SLC36A4: variants seen among roughly 807,000 people sequenced by gnomAD.
The protein encoded by SLC36A4 is solute carrier family 36 member 4.
Under a neutral mutation model 50.5 loss-of-function variants are expected in SLC36A4, and 49 were observed. The observed-to-expected ratio is 0.97, with a 90% CI of 0.77 to 1.23. The LOEUF (loss-of-function observed/expected upper bound fraction) is 1.23. Ranked by LOEUF, SLC36A4 falls within the 50% of genes most tolerant of loss-of-function variation. The pLI, the probability that SLC36A4 is intolerant of heterozygous loss-of-function variation, is 0.00. For missense variants in SLC36A4, 611 were observed against 608.4 expected (o/e 1.00, Z -0.05); for synonymous variants, 207 against 206.5 (o/e 1.00, Z -0.02).
chr11:93,197,925 G>C lies in SLC36A4; in HGVS notation c.-93C>G. ...GGCCCAGGCCTACCTCCCCTGCCCGGAGGGACCCGCGCCTGGTGCCCGCCT... is the reference window on the plus strand; with the variant it reads ...GGCCCAGGCCTACCTCCCCTGCCCGCAGGGACCCGCGCCTGGTGCCCGCCT... On this transcript the variant is annotated 5_prime_UTR_variant, in exon 1 of 11. Transcript: ENST00000326402. The C allele has an allele frequency of 7.7e-7, 1 of 1,291,414 alleles. No homozygotes were observed. The allele number at this position is 1,291,414 out of a possible 1,614,324, so 80.0% of individuals were successfully genotyped here. A position where few individuals can be genotyped will look rare whatever the true frequency, so the allele number is the denominator to read the frequency against.
intron 1 of SLC36A4, 24 bp from the exon 2 acceptor site, chr11:93,185,838 C>G (rs1211522728): frequency 1.3e-6 from 2 of 1,552,312 alleles, no homozygotes; most frequent in Non-Finnish European, 1.7e-6. Flanking sequence ...AAACAAAGTA[C>G]TTCACTATTG....
At chr11:93,171,793 G>A (rs1861147449) in intron 6 of SLC36A4, 1 of 152,042 alleles carries the variant, frequency 6.6e-6, no homozygotes. Flanking sequence ...GGAGTTAGGA[G>A]TCCTAGGAAT....
At chr11:93,178,933 C>T (rs1489366099) in intron 6 of SLC36A4, among the ~76,000 whole-genome samples, 1 of 152,058 alleles carries the variant, frequency 6.6e-6, no homozygotes, top group African/African-American at 2.4e-5. Context: ...ATATGTTTAC[C>T]TTCAAAACCC....
chr11:93,149,716 T>G (rs1193966595), intron 10 of SLC36A4, among the ~76,000 whole-genome samples: 1 of 151,982 alleles, frequency 6.6e-6, no homozygotes, highest in African/African-American at 2.4e-5. Flanking sequence ...AAGACACAAA[T>G]GAGTATGACA....
At chr11:93,172,701 T>C (rs1464270335) in intron 6 of SLC36A4, among the ~76,000 whole-genome samples, 1 of 137,080 alleles carries the variant, frequency 7.3e-6, no homozygotes, top group Non-Finnish European at 1.6e-5. Context: ...CGGTGTTTGG[T>C]TTTTTGTTCT....
chr11:93,192,434 A>T (rs1246219511), intron 1 of SLC36A4, among the ~76,000 whole-genome samples: 1 of 152,166 alleles, frequency 6.6e-6, no homozygotes, highest in African/African-American at 2.4e-5. Context: ...CAGACTGCAC[A>T]TAGCCTTGTA....
At chr11:93,166,182 C>G in intron 7 of SLC36A4, 166 bp from the exon 8 acceptor site, 1 of 1,318,148 alleles carries the variant, frequency 7.6e-7, no homozygotes, top group Non-Finnish European at 9.8e-7. Flanking sequence ...TTAAATGTAG[C>G]CAAGCTGTTA....
Position 93,148,613 on chromosome 11 carries a change from G to A in SLC36A4, c.1439C>T (p.Pro480Leu). 1 of 1,612,656 alleles carries A rather than the reference G, an allele frequency of 6.2e-7. No homozygotes were observed. Among genetic ancestry groups the A allele is most frequent in the Non-Finnish European group, 8.5e-7 (1 of 1,179,214 alleles). The change falls in exon 11 of 11, where the codon CCC becomes CTC. Residue 480 changes from proline to leucine, a missense_variant. By Grantham distance (98) the Pro-to-Leu change is moderately conservative. Transcript: ENST00000326402. ...ITVEEIIYPT[P>L]KVVAGTPQSP... Reference sequence around the variant, plus strand: ...CTGTGGAGTGCCAGCTACAACTTTGGGAGTAGGATAAATAATTTCTTCAAC... The same window carrying A: ...CTGTGGAGTGCCAGCTACAACTTTGAGAGTAGGATAAATAATTTCTTCAAC...
chr11:93,188,677 T>C (rs962717532), intron 1 of SLC36A4, among the ~76,000 whole-genome samples: 2 of 152,188 alleles, frequency 1.3e-5, no homozygotes, highest in Non-Finnish European at 2.9e-5. Context: ...CTATCTCACA[T>C]TTACTCTAGA....
At chr11:93,177,088 C>T (rs1359140065) in intron 6 of SLC36A4, among the ~76,000 whole-genome samples, 4 of 152,182 alleles carry the variant, frequency 2.6e-5, no homozygotes, top group Non-Finnish European at 5.9e-5. Flanking sequence ...TTCAGGTATA[C>T]CAAATCAGAC....
At chr11:93,157,229 C>T (rs1411147719) in intron 9 of SLC36A4, among the ~76,000 whole-genome samples, 6 of 152,064 alleles carry the variant, frequency 3.9e-5, no homozygotes, top group Non-Finnish European at 5.9e-5. Flanking sequence ...CAGTACAATG[C>T]TGTTTTGGTT....
At chr11:93,158,857 CT>C (rs1860487330) in intron 9 of SLC36A4, among the ~76,000 whole-genome samples, 1 of 151,988 alleles carries the variant, frequency 6.6e-6, no homozygotes, top group Non-Finnish European at 1.5e-5. Flanking sequence ...GAATAATAAA[CT>C]TTCTTAAAGT....
chr11:93,152,733 T>C (rs140765008), intron 10 of SLC36A4: 2 of 152,208 alleles, frequency 1.3e-5, no homozygotes, highest in Non-Finnish European at 2.9e-5. Context: ...CTTTTCCCAT[T>C]GCCCTCAAAC....
At chr11:93,177,192 T>G (rs1861517997) in intron 6 of SLC36A4, among the ~76,000 whole-genome samples, 1 of 152,170 alleles carries the variant, frequency 6.6e-6, no homozygotes, top group East Asian at 1.9e-4. Context: ...CTTCATTTCA[T>G]TCATTTGATC....
At chr11:93,166,433 T>C (rs1860870429) in intron 7 of SLC36A4, 1 of 989,068 alleles carries the variant, frequency 1.0e-6, no homozygotes, top group Non-Finnish European at 1.2e-6. Context: ...TTTATTGCTC[T>C]TTCAGTTCTC....
rs558053569 is a variant in SLC36A4 at position 93,179,597 on chromosome 11, G to A, written c.540+1200C>T. 3.3e-5 allele frequency among the ~76,000 whole-genome samples: 5 copies of A among 152,166 alleles called. No individual in the cohort carries two copies. The East Asian group carries it at 5.8e-4, about 18-fold the overall frequency. On this transcript the variant is annotated intron_variant, in intron 6 of 10. Coordinates refer to ENST00000326402, the MANE Select transcript of SLC36A4 (RefSeq NM_152313.4). ...TCTAGATGCTGAGACATGGTACACT[G>A]GAAAAAAAACTGACCAGAAATCCAA...
rs187550928 is a variant in SLC36A4 at position 93,151,831 on chromosome 11, C to T, written c.1207+2277G>A. On this transcript the variant is annotated intron_variant, in intron 10 of 10. Transcript: ENST00000326402. ...ATACACAGAATTGAAACACTGGTCT[C>T]AGTGTTTATTATAATACATTTAAAA... 2.5e-3 allele frequency among the ~76,000 whole-genome samples: 382 copies of T among 152,036 alleles called. 5 individuals carry two copies. Among genetic ancestry groups the T allele is most frequent in the Non-Finnish European group, 4.6e-3 (312 of 67,934 alleles).
chr11:93,187,850 CTATT>C (rs1331520437), intron 1 of SLC36A4, among the ~76,000 whole-genome samples: 3 of 152,176 alleles, frequency 2.0e-5, no homozygotes, highest in Non-Finnish European at 2.9e-5. Context: ...CTCCACTGCT[CTATT>C]TATCTCTCAC....
intron 2 of SLC36A4, chr11:93,185,218 TCA>T: frequency 6.6e-6 from 1 of 152,470 alleles, no homozygotes; most frequent in Non-Finnish European, 1.5e-5. Flanking sequence ...AAATATTTTT[TCA>T]GTTTATATTC....
Sources: allele counts gnomAD v4.1 joint callset (sites outside exome capture counted in the v4.1 genomes callset), GRCh38; gene constraint gnomAD v4.1.1; transcripts MANE v1.5; gene names NCBI Gene and HGNC (gene_info 2026-07-23, HGNC 2026-07-21).